Variants in SRSF11 observed in about 807,000 individuals in gnomAD.
SRSF11 encodes the protein serine and arginine rich splicing factor 11.
Under a neutral mutation model 56.0 loss-of-function variants are expected in SRSF11, and 9 were observed. That is an observed-to-expected ratio of 0.16 (90% CI 0.10 to 0.28). SRSF11 has a LOEUF of 0.28. Among genes scored for constraint, SRSF11 ranks in the 10% least tolerant of loss-of-function variants. The pLI is 1.00. For missense variants in SRSF11, 421 were observed against 600.7 expected, an observed-to-expected ratio of 0.70 and a Z score of 3.13; for synonymous variants, 222 against 215.3, an observed-to-expected ratio of 1.03 and a Z score of -0.27.
chr1:70,236,450 C>A (rs899972587), intron 5 of SRSF11, among the ~76,000 whole-genome samples: 3 of 151,510 alleles, frequency 2.0e-5, no homozygotes, highest in Non-Finnish European at 4.4e-5. Flanking sequence ...TTTGCCTTAG[C>A]CTCCCAAGTA....
At chr1:70,240,654 C>T (rs1328083665) in intron 7 of SRSF11, among the ~76,000 whole-genome samples, 1 of 152,180 alleles carries the variant, frequency 6.6e-6, no homozygotes, top group Non-Finnish European at 1.5e-5. Flanking sequence ...CTAGTTGCAT[C>T]CTAGTTCTTC....
chr1:70,239,388 G>A, intron 6 of SRSF11, 51 bp from the exon 7 acceptor site: 1 of 1,323,152 alleles, frequency 7.6e-7, no homozygotes, highest in Non-Finnish European at 1.1e-6. Flanking sequence ...CACTGCGTCT[G>A]GCCCCTATTT....
At chr1:70,240,244 G>A (rs1051707837) in intron 7 of SRSF11, among the ~76,000 whole-genome samples, 1 of 152,128 alleles carries the variant, frequency 6.6e-6, no homozygotes, top group African/African-American at 2.4e-5. Context: ...AGTACTGAAG[G>A]GGGATTTAAT....
At chr1:70,243,556 C>T (rs1344985336) in intron 7 of SRSF11, among the ~76,000 whole-genome samples, 5 of 152,054 alleles carry the variant, frequency 3.3e-5, no homozygotes, top group African/African-American at 1.2e-4. Flanking sequence ...TTAGATAATA[C>T]TCTTAAGTTA....
chr1:70,213,329 TA>T (rs1258331429), intron 1 of SRSF11, among the ~76,000 whole-genome samples: 1 of 152,224 alleles, frequency 6.6e-6, no homozygotes, highest in African/African-American at 2.4e-5. Context: ...AGAAGCCACT[TA>T]TGTTTTTTAC....
chr1:70,235,275 G>A (rs537285893), intron 4 of SRSF11, among the ~76,000 whole-genome samples: 102 of 152,166 alleles, frequency 6.7e-4, no homozygotes, highest in Non-Finnish European at 1.2e-3. Context: ...TAGATAACTT[G>A]CTAAAGCTGC....
chr1:70,237,243 A>G (rs951919981), intron 5 of SRSF11, among the ~76,000 whole-genome samples, 182 bp from the exon 6 acceptor site: 1 of 152,240 alleles, frequency 6.6e-6, no homozygotes, highest in African/African-American at 2.4e-5. Flanking sequence ...TAAAACAAAT[A>G]CTTGTAAATA....
At chr1:70,218,516 A>T (rs1323811509), upstream of SRSF11, 1 of 152,222 alleles carries the variant, frequency 6.6e-6, no homozygotes, top group Non-Finnish European at 1.5e-5. Flanking sequence ...TTGAATTTGT[A>T]GTTTTAATTA....
At chr1:70,214,343 AAAGCC>A (rs140289231) in intron 1 of SRSF11, among the ~76,000 whole-genome samples, 9,886 of 152,248 alleles carry the variant, frequency 0.065, 422 homozygotes, top group South Asian at 0.11. Context: ...ATTAAACAAA[AAAGCC>A]AAGCAAATCT....
intron 1 of SRSF11, among the ~76,000 whole-genome samples, chr1:70,208,164 G>A (rs2100420798): frequency 6.6e-6 from 1 of 152,214 alleles, no homozygotes; most frequent in Non-Finnish European, 1.5e-5. Flanking sequence ...TAATGATACT[G>A]TATTAAAACA....
At chr1:70,248,656 CTG>C (rs1470371781) in intron 9 of SRSF11, 4 of 151,958 alleles carry the variant, frequency 2.6e-5, no homozygotes, top group African/African-American at 9.7e-5. Flanking sequence ...ACCTTAAAAA[CTG>C]TTGAGGATTT....
intron 4 of SRSF11, among the ~76,000 whole-genome samples, 167 bp from the exon 5 acceptor site, chr1:70,235,331 TTTG>T (rs1673720568): frequency 6.6e-6 from 1 of 152,088 alleles, no homozygotes; most frequent in Non-Finnish European, 1.5e-5. Flanking sequence ...TTTGTTTTGT[TTTG>T]TTTTGTTTTT....
chr1:70,244,853 C>G, intron 8 of SRSF11, 38 bp downstream of exon 8: 2 of 1,610,078 alleles, frequency 1.2e-6, no homozygotes, highest in East Asian at 4.5e-5. Context: ...TTAGGGTTCC[C>G]AGTACCCCTA....
upstream of SRSF11, among the ~76,000 whole-genome samples, chr1:70,218,064 ACGCCATTCTCC>A (rs1168510812): frequency 6.6e-6 from 1 of 151,998 alleles, no homozygotes; most frequent in Non-Finnish European, 1.5e-5. Context: ...ATCTCGGTTC[ACGCCATTCTCC>A]CGCCTCAGCC....
chr1:70,229,609 C>A, intron 2 of SRSF11: 1 of 983,362 alleles, frequency 1.0e-6, no homozygotes, highest in Middle Eastern at 5.2e-4. Flanking sequence ...ATATGCTGAC[C>A]AGGATTTAAA....
At chr1:70,216,977 T>G (rs1024842051), upstream of SRSF11, among the ~76,000 whole-genome samples, 10 of 152,232 alleles carry the variant, frequency 6.6e-5, no homozygotes, top group Non-Finnish European at 7.3e-5. Context: ...GTCTTTCTAA[T>G]TTGTTATTTC....
At chr1:70,229,467 A>C in intron 2 of SRSF11, 1 of 985,284 alleles carries the variant, frequency 1.0e-6, no homozygotes, top group African/African-American at 1.7e-5. Context: ...CATTTTGTAA[A>C]ATTTTCTAAG....
chr1:70,251,233 T>C lies in SRSF11; in HGVS notation c.*428T>C, dbSNP rs148360288. 1.5e-4 allele frequency: 24 copies of C among 160,202 alleles called. No homozygotes were observed. The East Asian group carries it at 3.7e-3, about 25-fold the overall frequency. The allele number at this position is 160,202 out of a possible 1,614,324, so 9.9% of individuals were successfully genotyped here. The stretch of plus-strand genomic sequence containing the variant: ...GTTATTGTGGCAAGAATATCCTAAA[T>C]GTCATTAAAATCCTCCAACATGATG... On this transcript the variant is annotated 3_prime_UTR_variant, in exon 12 of 12. Transcript: ENST00000370949.
upstream of SRSF11, among the ~76,000 whole-genome samples, chr1:70,220,307 CATT>C (rs1251160102): frequency 6.6e-6 from 1 of 152,254 alleles, no homozygotes; most frequent in African/African-American, 2.4e-5. Context: ...GGCACAGAGA[CATT>C]ATGGTTTTTG....
Sources: allele counts gnomAD v4.1 joint callset (sites outside exome capture counted in the v4.1 genomes callset), GRCh38; gene constraint gnomAD v4.1.1; transcripts MANE v1.5; gene names NCBI Gene and HGNC (gene_info 2026-07-23, HGNC 2026-07-21).